Variants in OPCML observed in about 807,000 individuals in gnomAD.
OPCML encodes opioid binding protein/cell adhesion molecule like.
A neutral mutation model predicts 37.8 loss-of-function variants in OPCML; 13 were observed. The observed-to-expected ratio is 0.34, with a 90% CI of 0.22 to 0.55. The LOEUF (loss-of-function observed/expected upper bound fraction) is 0.55. OPCML is among the 20% of genes least tolerant of loss of function. The pLI is 0.91. For missense variants in OPCML, 341 were observed against 435.6 expected (o/e 0.78, Z 1.93); for synonymous variants, 176 against 168.8 (o/e 1.04, Z -0.33).
At chr11:133,419,377 T>G in intron 1 of OPCML, 1 of 980,136 alleles carries the variant, frequency 1.0e-6, no homozygotes, top group East Asian at 1.1e-4. Context: ...TTCTACCCAC[T>G]CGTCAGAGCT....
chr11:132,630,218 C>T (rs1277710322), intron 3 of OPCML, among the ~76,000 whole-genome samples: 7 of 152,146 alleles, frequency 4.6e-5, no homozygotes, highest in Non-Finnish European at 8.8e-5. Context: ...TGAAGATGTT[C>T]ATCACACTGT....
At chr11:132,674,228 T>C (rs6590648) in intron 2 of OPCML, among the ~76,000 whole-genome samples, 2,818 of 152,240 alleles carry the variant, frequency 0.019, 66 homozygotes, top group African/African-American at 0.044. Flanking sequence ...AAAGAAAACT[T>C]AGCATCACAG....
chr11:132,983,418 C>T (rs561597911), intron 1 of OPCML, among the ~76,000 whole-genome samples: 59 of 152,332 alleles, frequency 3.9e-4, no homozygotes, highest in South Asian at 1.2e-3. Context: ...TGTGTCAACA[C>T]TGCATCAGGT....
Position 133,207,914 on chromosome 11 carries a change from A to G in OPCML, c.62-264904T>C, listed in dbSNP as rs533956044. Among the ~76,000 whole-genome samples the G allele has an allele frequency of 3.0e-5, 4 of 133,880 alleles. No individual in the cohort carries two copies. In the South Asian group the frequency reaches 8.3e-4, roughly 28 times the overall value. The allele number at this position is 133,880 out of a possible 152,430, so 87.8% of individuals were successfully genotyped here. ...TGGACCCTGTAACACGCTCTGTTTT[A>G]CTTCGCCGCAGGGTCTTCATTCATG... On this transcript the variant is annotated intron_variant, in intron 1 of 7. Coordinates refer to ENST00000524381, the MANE Select transcript of OPCML (RefSeq NM_001012393.5).
At chr11:133,003,119 G>A (rs1049416000) in intron 1 of OPCML, among the ~76,000 whole-genome samples, 2 of 152,182 alleles carry the variant, frequency 1.3e-5, no homozygotes, top group African/African-American at 4.8e-5. Context: ...TTAAGTGAAT[G>A]TTTATTTAAA....
At chr11:132,744,500 C>T (rs550787082) in intron 2 of OPCML, among the ~76,000 whole-genome samples, 74 of 152,322 alleles carry the variant, frequency 4.9e-4, no homozygotes, top group African/African-American at 1.7e-3. Flanking sequence ...AGCCATGACC[C>T]ATGCTAGCCA....
At chr11:133,370,983 C>T (rs1239614046) in intron 1 of OPCML, among the ~76,000 whole-genome samples, 1 of 152,094 alleles carries the variant, frequency 6.6e-6, no homozygotes, top group Non-Finnish European at 1.5e-5. Flanking sequence ...GCAAAACAAA[C>T]AAAATCCTGT....
At chr11:132,988,611 C>G (rs936148900) in intron 1 of OPCML, among the ~76,000 whole-genome samples, 2 of 152,150 alleles carry the variant, frequency 1.3e-5, no homozygotes, top group Non-Finnish European at 2.9e-5. Flanking sequence ...TGTTTGTTCC[C>G]CTTGGAATGC....
At chr11:132,879,603 A>G (rs1461442569) in intron 2 of OPCML, among the ~76,000 whole-genome samples, 1 of 152,232 alleles carries the variant, frequency 6.6e-6, no homozygotes, top group African/African-American at 2.4e-5. Context: ...TGATAAAAAT[A>G]TGATGGGTGA....
chr11:133,417,055 G>A lies in OPCML; in HGVS notation c.61+115209C>T, dbSNP rs142554014. The stretch of plus-strand genomic sequence containing the variant: ...GTGCCTGGAGAGTAAGGTGCCCAGA[G>A]AGAGCAGGGAGGCTGTGTAACCCCC... On this transcript the variant is annotated intron_variant, in intron 1 of 7. Transcript: ENST00000524381. Among the ~76,000 whole-genome samples the A allele has an allele frequency of 5.5e-3, 832 of 152,324 alleles. 11 individuals are homozygous for A. Among genetic ancestry groups the A allele is most frequent in the African/African-American group, 0.019 (798 of 41,568 alleles).
chr11:133,058,403 G>A (rs977947649), intron 1 of OPCML, among the ~76,000 whole-genome samples: 1 of 152,172 alleles, frequency 6.6e-6, no homozygotes, highest in Non-Finnish European at 1.5e-5. Flanking sequence ...AGACTGGGGC[G>A]GGGGCACGCG....
chr11:132,929,819 T>C (rs1945137339), intron 2 of OPCML, among the ~76,000 whole-genome samples: 1 of 152,162 alleles, frequency 6.6e-6, no homozygotes, highest in African/African-American at 2.4e-5. Flanking sequence ...ACCATCTGAA[T>C]TGATACAGAA....
At chr11:133,441,345 A>G (rs1019148988) in intron 1 of OPCML, among the ~76,000 whole-genome samples, 3 of 152,158 alleles carry the variant, frequency 2.0e-5, no homozygotes, top group Non-Finnish European at 4.4e-5. Context: ...TGGACTATTG[A>G]CACAAAAAGG....
At chr11:133,372,916 G>A (rs1944704162) in intron 1 of OPCML, among the ~76,000 whole-genome samples, 1 of 152,082 alleles carries the variant, frequency 6.6e-6, no homozygotes, top group Non-Finnish European at 1.5e-5. Context: ...ACTTTACATA[G>A]GCATTTGAGT....
At position 132,477,443 on chromosome 11, in the gene OPCML, C is replaced by T. The variant is rs990695324; in HGVS notation, c.506-40084G>A. Among the ~76,000 whole-genome samples, 12 of 152,178 alleles carry T rather than the reference C, an allele frequency of 7.9e-5. No homozygotes were observed. In the South Asian group the frequency reaches 1.0e-3, roughly 13 times the overall value. On this transcript the variant is annotated intron_variant, in intron 4 of 7. Coordinates refer to ENST00000524381, the MANE Select transcript of OPCML (RefSeq NM_001012393.5). ...AGGAAAGAGGGAAGAGGTTATCAGT[C>T]CAGCCGAACTTGGAGTGAGATGCTT...
At chr11:132,506,346 C>T (rs944701682) in intron 4 of OPCML, among the ~76,000 whole-genome samples, 2 of 152,134 alleles carry the variant, frequency 1.3e-5, no homozygotes, top group Non-Finnish European at 2.9e-5. Context: ...TCAGAAAATA[C>T]AACAATCACA....
intron 1 of OPCML, among the ~76,000 whole-genome samples, chr11:133,249,894 T>C (rs917892212): frequency 2.6e-5 from 4 of 152,068 alleles, no homozygotes; most frequent in Admixed American, 2.0e-4. Flanking sequence ...AAAAAAGGCA[T>C]AGAAATGGAC....
intron 1 of OPCML, among the ~76,000 whole-genome samples, chr11:133,524,263 G>A (rs537202142): frequency 2.6e-5 from 4 of 152,328 alleles, no homozygotes; most frequent in East Asian, 1.9e-4. Flanking sequence ...ACTGCGATAA[G>A]TGAGTAGGTG....
intron 2 of OPCML, among the ~76,000 whole-genome samples, chr11:132,916,872 G>A (rs991680581): frequency 1.1e-4 from 17 of 152,120 alleles, no homozygotes; most frequent in African/African-American, 4.1e-4. Context: ...CAAGACAGAC[G>A]ACACATTAGA....
Sources: allele counts gnomAD v4.1 joint callset (sites outside exome capture counted in the v4.1 genomes callset), GRCh38; gene constraint gnomAD v4.1.1; transcripts MANE v1.5; gene names NCBI Gene and HGNC (gene_info 2026-07-23, HGNC 2026-07-21).